The following SEMA5A variants were observed in gnomAD, a reference collection of about 807,000 sequenced individuals.
SEMA5A encodes the protein semaphorin-5A.
In SEMA5A, 55 loss-of-function variants were observed where a neutral mutation model predicts 135.5. The observed-to-expected ratio is 0.41, with a 90% CI of 0.33 to 0.51. SEMA5A has a LOEUF of 0.51. Ranked by LOEUF, SEMA5A falls within the 20% of genes least tolerant of loss-of-function variation. The pLI is 0.37. For synonymous variants in SEMA5A, 580 were observed against 546.5 expected (o/e 1.06, Z -0.85); for missense variants, 1,290 against 1,419.9 (o/e 0.91, Z 1.47).
chr5:9,142,146 A>G (rs1238740291), intron 12 of SEMA5A, among the ~76,000 whole-genome samples: 1 of 152,344 alleles, frequency 6.6e-6, no homozygotes, highest in East Asian at 1.9e-4. Flanking sequence ...AATATCAACA[A>G]CCAGTTGCAA....
At chr5:9,485,560 C>A (rs547758158) in intron 1 of SEMA5A, among the ~76,000 whole-genome samples, 1 of 152,288 alleles carries the variant, frequency 6.6e-6, no homozygotes, top group South Asian at 2.1e-4. Context: ...GTGCCTGCTG[C>A]TCCACCCTGT....
rs150420463 is a variant in SEMA5A, at chr5:9,129,865, A to AT, written c.1599+6638dup. Among the ~76,000 whole-genome samples the AT allele has an allele frequency of 3.3e-3, 503 of 152,320 alleles. 3 individuals are homozygous for AT. The highest frequency in any genetic ancestry group is 0.012 in the African/African-American group (480 of 41,562). On this transcript the variant is annotated intron_variant, in intron 13 of 22. Coordinates refer to ENST00000382496, the MANE Select transcript of SEMA5A (RefSeq NM_003966.3). The stretch of plus-strand genomic sequence containing the variant: ...TTCTACAGATATGAAATGGGCTGAG[A>AT]TATGATAAGTAAGTTGCTCAAAGTC...
chr5:9,225,523 C>T (rs542876994), intron 7 of SEMA5A, among the ~76,000 whole-genome samples: 15 of 146,922 alleles, frequency 1.0e-4, no homozygotes, highest in Admixed American at 4.8e-4. Flanking sequence ...GAGCCAAAAT[C>T]GTGCCGCTGC....
intron 1 of SEMA5A, among the ~76,000 whole-genome samples, chr5:9,487,849 G>A (rs920156524): frequency 1.3e-5 from 2 of 152,120 alleles, no homozygotes; most frequent in African/African-American, 4.8e-5. Context: ...GCAATTGTTA[G>A]TAAATAGAAA....
At chr5:9,319,804 A>C (rs916045551) in intron 4 of SEMA5A, among the ~76,000 whole-genome samples, 5 of 122,688 alleles carry the variant, frequency 4.1e-5, no homozygotes, top group African/African-American at 1.5e-4. Context: ...TAAGACATAA[A>C]TGTTGACTAT....
intron 2 of SEMA5A, among the ~76,000 whole-genome samples, chr5:9,408,252 G>T (rs988346315): frequency 6.6e-6 from 1 of 152,044 alleles, no homozygotes; most frequent in African/African-American, 2.4e-5. Flanking sequence ...CCACAGCACG[G>T]AATACTATAA....
chr5:9,190,922 G>C (rs571446448), intron 10 of SEMA5A, among the ~76,000 whole-genome samples: 2 of 152,300 alleles, frequency 1.3e-5, no homozygotes, highest in South Asian at 4.1e-4. Context: ...GGGTCTGTAA[G>C]CAAGGCATGG....
intron 1 of SEMA5A, among the ~76,000 whole-genome samples, chr5:9,503,406 G>A (rs1215021128): frequency 3.3e-5 from 5 of 152,196 alleles, no homozygotes; most frequent in Admixed American, 6.5e-5. Context: ...TATCTAGGAG[G>A]TGGTGTCCTA....
intron 11 of SEMA5A, among the ~76,000 whole-genome samples, chr5:9,186,472 C>T (rs550031965): frequency 8.7e-4 from 133 of 152,284 alleles, no homozygotes; most frequent in South Asian, 5.6e-3. Flanking sequence ...CACCTACCAC[C>T]AAACCTGGAT....
intron 12 of SEMA5A, among the ~76,000 whole-genome samples, chr5:9,140,761 C>T (rs1742024986): frequency 6.6e-6 from 1 of 152,152 alleles, no homozygotes; most frequent in South Asian, 2.1e-4. Flanking sequence ...AGCGAGGCTA[C>T]ACTTAGAGAT....
intron 6 of SEMA5A, among the ~76,000 whole-genome samples, chr5:9,235,562 T>G (rs1747860277): frequency 6.7e-6 from 1 of 149,956 alleles, no homozygotes; most frequent in African/African-American, 2.4e-5. Flanking sequence ...GGGCTGGGAG[T>G]GTTAAGATCG....
intron 1 of SEMA5A, among the ~76,000 whole-genome samples, chr5:9,497,358 A>G (rs778719754): frequency 6.6e-6 from 1 of 152,194 alleles, no homozygotes; most frequent in Non-Finnish European, 1.5e-5. Flanking sequence ...CTGCTTTTCT[A>G]AGATATTTTC....
At chr5:9,172,814 C>T (rs897195689) in intron 11 of SEMA5A, among the ~76,000 whole-genome samples, 2 of 152,144 alleles carry the variant, frequency 1.3e-5, no homozygotes, top group Admixed American at 6.5e-5. Context: ...GCAAATTTTC[C>T]TTTCCTTTCT....
intron 8 of SEMA5A, among the ~76,000 whole-genome samples, chr5:9,210,385 C>T (rs886834647): frequency 6.6e-6 from 1 of 152,108 alleles, no homozygotes; most frequent in African/African-American, 2.4e-5. Context: ...ACTTTTGTAC[C>T]CATAAAGGTC....
intron 16 of SEMA5A, among the ~76,000 whole-genome samples, chr5:9,079,718 C>T (rs936082686): frequency 1.3e-5 from 2 of 151,976 alleles, no homozygotes; most frequent in African/African-American, 4.8e-5. Flanking sequence ...CAAACAACCC[C>T]ATCAAAAAGT....
At chr5:9,300,191 CTAATTTTTG>C (rs1224446324) in intron 5 of SEMA5A, among the ~76,000 whole-genome samples, 3 of 152,148 alleles carry the variant, frequency 2.0e-5, no homozygotes, top group African/African-American at 7.2e-5. Context: ...CCACACCTGA[CTAATTTTTG>C]TAATTTTTGT....
intron 2 of SEMA5A, among the ~76,000 whole-genome samples, chr5:9,403,344 T>C (rs17323208): frequency 0.13 from 19,798 of 152,120 alleles, 1,434 homozygotes; most frequent in Non-Finnish European, 0.16. Context: ...GTCTGAAACA[T>C]TGCAGAGACA....
chr5:9,259,100 G>A (rs1262686275), intron 5 of SEMA5A, among the ~76,000 whole-genome samples: 1 of 152,200 alleles, frequency 6.6e-6, no homozygotes, highest in East Asian at 1.9e-4. Flanking sequence ...GGGATTACAG[G>A]CATGAGCCAC....
intron 1 of SEMA5A, among the ~76,000 whole-genome samples, chr5:9,491,742 G>C (rs1024559030): frequency 2.6e-5 from 4 of 152,132 alleles, no homozygotes; most frequent in Admixed American, 6.5e-5. Context: ...ATTAAGAAAA[G>C]ATGTTGTATT....
Sources: allele counts gnomAD v4.1 joint callset (sites outside exome capture counted in the v4.1 genomes callset), GRCh38; gene constraint gnomAD v4.1.1; transcripts MANE v1.5; gene names NCBI Gene and HGNC (gene_info 2026-07-23, HGNC 2026-07-21).